The following CDKL4 variants were observed in gnomAD, a reference collection of about 807,000 sequenced individuals.
CDKL4 encodes the protein cyclin dependent kinase like 4, also known as cyclin-dependent kinase-like 4.
Under a neutral mutation model 42.0 loss-of-function variants are expected in CDKL4, and 44 were observed. That is an observed-to-expected ratio of 1.05 (90% CI 0.82 to 1.35). The LOEUF (loss-of-function observed/expected upper bound fraction) is 1.35, where lower values mean the gene tolerates loss of function less well. Ranked by LOEUF, CDKL4 falls within the 40% of genes most tolerant of loss-of-function variation. The pLI is 0.00. For missense variants in CDKL4, 393 were observed against 369.9 expected, an observed-to-expected ratio of 1.06 and a Z score of -0.51; for synonymous variants, 120 against 121.6, an observed-to-expected ratio of 0.99 and a Z score of 0.09.
At chr2:39,191,094 C>T (rs1676153195) in intron 5 of CDKL4, among the ~76,000 whole-genome samples, 1 of 152,124 alleles carries the variant, frequency 6.6e-6, no homozygotes, top group Admixed American at 6.6e-5. Flanking sequence ...ACTTTTCCCA[C>T]ATCCATCAGA....
At chr2:39,241,698 A>T (rs188422056) in intron 1 of CDKL4, among the ~76,000 whole-genome samples, 17 of 152,242 alleles carry the variant, frequency 1.1e-4, no homozygotes, top group African/African-American at 3.6e-4. Flanking sequence ...GTTCAAGTCA[A>T]ATGTCTTTCT....
chr2:39,240,197 G>T (rs1487851719), intron 1 of CDKL4, among the ~76,000 whole-genome samples: 2 of 149,636 alleles, frequency 1.3e-5, no homozygotes, highest in African/African-American at 2.5e-5. Flanking sequence ...ATCACCTGAG[G>T]TCAGGAGTTC....
At chr2:39,222,148 T>C (rs1486768939) in intron 3 of CDKL4, among the ~76,000 whole-genome samples, 2 of 151,914 alleles carry the variant, frequency 1.3e-5, no homozygotes, top group African/African-American at 4.8e-5. Flanking sequence ...TGAGAGAGAG[T>C]ATGCACATAA....
chr2:39,181,624 G>A (rs1558543758), intron 8 of CDKL4, among the ~76,000 whole-genome samples: 1 of 152,196 alleles, frequency 6.6e-6, no homozygotes, highest in Non-Finnish European at 1.5e-5. Context: ...TGTAATTAGT[G>A]AAGACAAGGT....
chr2:39,186,173 G>T (rs1484334848), intron 7 of CDKL4, among the ~76,000 whole-genome samples: 3 of 152,104 alleles, frequency 2.0e-5, no homozygotes, highest in Non-Finnish European at 4.4e-5. Flanking sequence ...TAACCTTGCA[G>T]TTCAACCTTT....
intron 5 of CDKL4, among the ~76,000 whole-genome samples, chr2:39,200,551 AC>A (rs1676784942): frequency 6.6e-6 from 1 of 152,188 alleles, no homozygotes; most frequent in Non-Finnish European, 1.5e-5. Context: ...AGCAAAAAGA[AC>A]AAATCTGGAG....
At position 39,190,593 on chromosome 2, in the gene CDKL4, C is replaced by T. The variant is rs537536845; in HGVS notation, c.455-91G>A. 6.1e-5 allele frequency: 62 copies of T among 1,017,966 alleles called. No homozygotes were observed. In the South Asian group the frequency reaches 8.2e-4, roughly 14 times the overall value. The allele number at this position is 1,017,966 out of a possible 1,614,324, so 63.1% of individuals were successfully genotyped here. A position where few individuals can be genotyped will look rare whatever the true frequency, so the allele number is the denominator to read the frequency against. On this transcript the variant is annotated intron_variant, in intron 5 of 9. Transcript: ENST00000451199. ...CATCAGGCATTCAGGCTGCAATAAC[C>T]ATCAGAGGCCATGATACTCTTAAGG...
chr2:39,246,073 A>G (rs1159189634), upstream of CDKL4, among the ~76,000 whole-genome samples: 1 of 152,166 alleles, frequency 6.6e-6, no homozygotes, highest in Admixed American at 6.5e-5. Context: ...ATAAGCACAC[A>G]CGTACTTTGT....
intron 9 of CDKL4, among the ~76,000 whole-genome samples, chr2:39,177,782 G>T (rs1675226525): frequency 6.6e-6 from 1 of 151,272 alleles, no homozygotes; most frequent in African/African-American, 2.4e-5. Context: ...TCTGCCTCCC[G>T]GGTTCATGCA....
At chr2:39,200,783 C>T (rs1323670231) in intron 5 of CDKL4, among the ~76,000 whole-genome samples, 3 of 152,098 alleles carry the variant, frequency 2.0e-5, no homozygotes, top group African/African-American at 7.2e-5. Flanking sequence ...ATTGGCAAGC[C>T]ACATGTAGAA....
At chr2:39,246,732 G>C (rs1313502650), upstream of CDKL4, among the ~76,000 whole-genome samples, 4 of 152,016 alleles carry the variant, frequency 2.6e-5, no homozygotes, top group Non-Finnish European at 2.9e-5. Flanking sequence ...AGCAGAATTA[G>C]GCACAACCTC....
intron 3 of CDKL4, among the ~76,000 whole-genome samples, chr2:39,218,239 G>A (rs976243066): frequency 7.3e-5 from 11 of 150,956 alleles, no homozygotes; most frequent in African/African-American, 1.5e-4. Context: ...AGTGGCTCAT[G>A]CCTGTAATCC....
chr2:39,178,986 G>C, intron 9 of CDKL4: 1 of 1,437,004 alleles, frequency 7.0e-7, no homozygotes, highest in Non-Finnish European at 9.1e-7. Flanking sequence ...TTTGGAATAA[G>C]ATTTTTGCAA....
chr2:39,186,917 A>G (rs1334754950), intron 7 of CDKL4, among the ~76,000 whole-genome samples: 5 of 152,180 alleles, frequency 3.3e-5, no homozygotes, highest in African/African-American at 1.2e-4. Context: ...TAGATAAGAC[A>G]AGTAAACATT....
At chr2:39,232,865 G>A (rs1282339776) in intron 1 of CDKL4, among the ~76,000 whole-genome samples, 1 of 151,776 alleles carries the variant, frequency 6.6e-6, no homozygotes, top group Non-Finnish European at 1.5e-5. Context: ...CTAACACGAT[G>A]AAATCCCATC....
intron 1 of CDKL4, among the ~76,000 whole-genome samples, chr2:39,242,233 G>T (rs1339248730): frequency 2.6e-5 from 4 of 151,922 alleles, no homozygotes; most frequent in African/African-American, 7.3e-5. Flanking sequence ...TTTTGTAGAG[G>T]TGGGGTCTCA....
intron 3 of CDKL4, among the ~76,000 whole-genome samples, chr2:39,220,826 A>T (rs1678265304): frequency 6.6e-6 from 1 of 151,260 alleles, no homozygotes; most frequent in Non-Finnish European, 1.5e-5. Context: ...ACCTCAAGTG[A>T]TCTGCCCTCC....
chr2:39,169,906 C>T, the CDKL4 span, among the ~76,000 whole-genome samples: 5 of 152,090 alleles, frequency 3.3e-5, no homozygotes, highest in African/African-American at 1.2e-4. Flanking sequence ...CAAGTAAACC[C>T]GTCACCCAGG....
At chr2:39,172,647 T>C (rs906324928), downstream of CDKL4, among the ~76,000 whole-genome samples, 1 of 152,190 alleles carries the variant, frequency 6.6e-6, no homozygotes, top group African/African-American at 2.4e-5. Context: ...AGTGGTATGA[T>C]CTCAGCTCAC....
Sources: allele counts gnomAD v4.1 joint callset (sites outside exome capture counted in the v4.1 genomes callset), GRCh38; gene constraint gnomAD v4.1.1; transcripts MANE v1.5; gene names NCBI Gene and HGNC (gene_info 2026-07-23, HGNC 2026-07-21).